Variants in PCDHA2 observed in about 807,000 individuals in gnomAD.
PCDHA2 encodes the protein protocadherin alpha 2.
PCDHA2 carries 58 observed loss-of-function variants against 66.0 expected under a neutral mutation model. The observed-to-expected ratio is 0.88, with a 90% CI of 0.71 to 1.09. The LOEUF is 1.09. Ranked by LOEUF, PCDHA2 falls within the 50% of genes least tolerant of loss-of-function variation. The pLI is 0.00. For missense variants in PCDHA2, 1,267 were observed against 1,242.3 expected, an observed-to-expected ratio of 1.02 and a Z score of -0.30; for synonymous variants, 634 against 554.0, an observed-to-expected ratio of 1.14 and a Z score of -2.03.
Position 140,797,131 on chromosome 5 carries a change from T to C in PCDHA2, c.2167T>C (p.Cys723Arg), listed in dbSNP as rs1554120301. Residue 723 changes from cysteine to arginine, a missense_variant, in exon 1 of 4, where the codon TGC (cysteine) becomes CGC (arginine). Transcript: ENST00000526136. ...LTVLLYTALR[C>R]SVPPTEGARA... ...GGTGCTGCTGTACACTGCGCTGCGG[T>C]GCTCGGTGCCACCCACCGAGGGTGC... 1 of 1,613,968 alleles carries C rather than the reference T, an allele frequency of 6.2e-7. No individual in the cohort carries two copies. Among genetic ancestry groups the C allele is most frequent in the Non-Finnish European group, 8.5e-7 (1 of 1,179,960 alleles).
chr5:140,796,725 A>G lies in PCDHA2; in HGVS notation c.1761A>G (p.Ala587=), dbSNP rs1056313252. Residue 587 remains alanine, a synonymous_variant, in exon 1 of 4, where the codon GCA becomes GCG. Coordinates refer to ENST00000526136, the MANE Select transcript of PCDHA2 (RefSeq NM_018905.3). ...VSELVPWSVG[A]GHVVAKVRAV... Reference sequence around the variant, plus strand: ...AGCTGGTGCCGTGGTCGGTGGGTGCAGGGCACGTGGTGGCGAAGGTGCGCG... The same window carrying G: ...AGCTGGTGCCGTGGTCGGTGGGTGCGGGGCACGTGGTGGCGAAGGTGCGCG... The G allele has an allele frequency of 3.1e-6, 5 of 1,613,982 alleles. No homozygotes were observed. In the South Asian group the frequency reaches 3.3e-5, roughly 11 times the overall value.
intron 1 of PCDHA2, chr5:140,856,597 C>CA: frequency 1.3e-6 from 2 of 1,597,412 alleles, no homozygotes; most frequent in Non-Finnish European, 1.7e-6. Context: ...ATATTATAAA[C>CA]AAAAAAGACA....
rs1256665914 is a variant in PCDHA2 at position 140,917,331 on chromosome 5, G to A, written c.2389-61618G>A. On this transcript the variant is annotated intron_variant, in intron 1 of 3. Transcript: ENST00000526136. ...AATTTGGTGTTCATGTGGCGGGGGA[G>A]GGGGGGGATGGTGTAGGCTTCTGTT... Among the ~76,000 whole-genome samples the A allele has an allele frequency of 5.8e-5, 8 of 137,654 alleles. 1 individual carries two copies. The East Asian group carries it at 6.7e-4, about 12-fold the overall frequency. 90.3% of individuals were successfully genotyped at this position (137,654 alleles called of 152,430 possible).
intron 3 of PCDHA2, among the ~76,000 whole-genome samples, chr5:140,992,504 C>T (rs2097516189): frequency 6.6e-6 from 1 of 152,174 alleles, no homozygotes; most frequent in African/African-American, 2.4e-5. Context: ...GGATTCAATC[C>T]TGGGGCATGG....
chr5:140,968,832 C>A (rs1554231147), intron 1 of PCDHA2: 1 of 1,614,200 alleles, frequency 6.2e-7, no homozygotes, highest in East Asian at 2.2e-5. Flanking sequence ...AAAATCCTCC[C>A]TGACACTCAG....
intron 3 of PCDHA2, among the ~76,000 whole-genome samples, chr5:140,993,460 T>TCA (rs1554253699): frequency 1.6e-3 from 169 of 104,560 alleles, no homozygotes; most frequent in African/African-American, 3.8e-3. Flanking sequence ...CTTCTTTCTT[T>TCA]CTCACACACA....
chr5:140,983,239 C>CCTGCTAAGTTGTGTAAAAAA (rs1261909895), intron 3 of PCDHA2, among the ~76,000 whole-genome samples: 1 of 152,176 alleles, frequency 6.6e-6, no homozygotes, highest in Non-Finnish European at 1.5e-5. Flanking sequence ...GGAAAGAGAA[C>CCTGCTAAGTTGTGTAAAAAA]CTGCTAAGTT....
rs2150116611 is a variant in PCDHA2 at position 140,822,468 on chromosome 5, A to G, written c.2388+25116A>G. On this transcript the variant is annotated intron_variant, in intron 1 of 3. Coordinates refer to ENST00000526136, the MANE Select transcript of PCDHA2 (RefSeq NM_018905.3). Reference sequence around the variant, plus strand: ...GTACAGTTCAGTTGTTGATCAATGTATTGGATGCTAATGATAACGCCCCAG... The same window carrying G: ...GTACAGTTCAGTTGTTGATCAATGTGTTGGATGCTAATGATAACGCCCCAG... 11 of 1,613,676 alleles carry G rather than the reference A, an allele frequency of 6.8e-6. No individual in the cohort carries two copies. The African/African-American group carries it at 1.5e-4, about 22-fold the overall frequency.
At chr5:140,883,932 T>A (rs1554180637) in intron 1 of PCDHA2, 2 of 1,613,418 alleles carry the variant, frequency 1.2e-6, no homozygotes. Context: ...CAGGTGTTCG[T>A]GCTGGACGAG....
intron 1 of PCDHA2, among the ~76,000 whole-genome samples, chr5:140,975,318 C>T (rs1554236746): frequency 6.6e-6 from 1 of 152,198 alleles, no homozygotes; most frequent in Admixed American, 6.5e-5. Flanking sequence ...TTATGTCAGT[C>T]CCATCCAGAT....
At chr5:140,854,262 A>G in intron 1 of PCDHA2, 1 of 592,128 alleles carries the variant, frequency 1.7e-6, no homozygotes, top group South Asian at 7.2e-5. Flanking sequence ...TAAAATGTAC[A>G]TTAGTAGAAA....
chr5:140,884,265 T>A, intron 1 of PCDHA2: 1 of 1,613,432 alleles, frequency 6.2e-7, no homozygotes, highest in Middle Eastern at 1.6e-4. Context: ...GCAACGGTGC[T>A]GTTGTCGCTG....
At chr5:140,926,537 T>C (rs1584447910) in intron 1 of PCDHA2, 2 of 211,572 alleles carry the variant, frequency 9.5e-6, no homozygotes, top group African/African-American at 2.3e-5. Flanking sequence ...GCAGCCAGCG[T>C]GGTGGTCGAG....
intron 1 of PCDHA2, among the ~76,000 whole-genome samples, chr5:140,975,647 T>G (rs1563441442): frequency 6.6e-6 from 1 of 152,254 alleles, no homozygotes; most frequent in Non-Finnish European, 1.5e-5. Flanking sequence ...GCATATTATT[T>G]CATTGAGTAG....
chr5:140,883,032 C>T, intron 1 of PCDHA2: 1 of 1,614,064 alleles, frequency 6.2e-7, no homozygotes. Context: ...TTAGAGAACG[C>T]CTTCAATGGA....
At chr5:140,871,120 C>G (rs1554165154) in intron 1 of PCDHA2, 1 of 1,613,342 alleles carries the variant, frequency 6.2e-7, no homozygotes, top group Non-Finnish European at 8.5e-7. Flanking sequence ...GGAGAGCGGA[C>G]AGGCGCCAAA....
At chr5:140,857,103 C>G in intron 1 of PCDHA2, 1 of 1,597,644 alleles carries the variant, frequency 6.3e-7, no homozygotes, top group Non-Finnish European at 8.6e-7. Flanking sequence ...GTGATTGTCA[C>G]TTCTCTGTCT....
chr5:141,009,746 T>C lies in PCDHA2; in HGVS notation c.2656T>C (p.Phe886Leu). ...CGGTCCCGGTGAGTTGCCCGACAAA[T>C]TCATTATCCCAGGATCTCCTGCAAT... ...QSGPGELPDK[F>L]IIPGSPAIIS... The change falls in exon 4 of 4, where the codon TTC becomes CTC. Residue 886 changes from phenylalanine to leucine, a missense_variant. Transcript: ENST00000526136. 6.2e-7 allele frequency: 1 copy of C among 1,614,062 alleles called. No homozygotes were observed. Among genetic ancestry groups the C allele is most frequent in the Non-Finnish European group, 8.5e-7 (1 of 1,180,018 alleles).
Position 140,795,464 on chromosome 5 carries a change from T to C in PCDHA2, c.500T>C (p.Leu167Pro), listed in dbSNP as rs782614505. The change falls in exon 1 of 4, where the codon CTT becomes CCT. Residue 167 changes from leucine (L) to proline (P), a missense_variant. Transcript: ENST00000526136. ...GATGCAGATATAGGAGTAAATGCTCTTCTCTCCTACAAGCTCAGCTCCAGT... is the reference window on the plus strand; with the variant it reads ...GATGCAGATATAGGAGTAAATGCTCCTCTCTCCTACAAGCTCAGCTCCAGT... ...ASDADIGVNA[L>P]LSYKLSSSEF... is the part of the protein sequence containing the mutation. 2.3e-5 allele frequency: 37 copies of C among 1,614,174 alleles called. No individual in the cohort carries two copies. The South Asian group carries it at 3.7e-4, about 16-fold the overall frequency.
Sources: allele counts gnomAD v4.1 joint callset (sites outside exome capture counted in the v4.1 genomes callset), GRCh38; gene constraint gnomAD v4.1.1; transcripts MANE v1.5; gene names NCBI Gene and HGNC (gene_info 2026-07-23, HGNC 2026-07-21).